ZDHHC5: variants seen among roughly 807,000 people sequenced by gnomAD.
The protein encoded by ZDHHC5 is palmitoyltransferase ZDHHC5.
In ZDHHC5, 22 loss-of-function variants were observed where a neutral mutation model predicts 70.0. The ratio of observed to expected loss-of-function variants is 0.31; its 90% confidence interval spans 0.22 to 0.45. ZDHHC5 has a LOEUF of 0.45. Ranked by LOEUF, ZDHHC5 falls within the 20% of genes least tolerant of loss-of-function variation. The pLI is 1.00. For missense variants in ZDHHC5, 746 were observed against 926.9 expected (o/e 0.80, Z 2.53); for synonymous variants, 313 against 347.8 (o/e 0.90, Z 1.11).
chr11:57,680,608 C>T (rs1468963268), intron 2 of ZDHHC5, among the ~76,000 whole-genome samples: 1 of 152,128 alleles, frequency 6.6e-6, no homozygotes, highest in African/African-American at 2.4e-5. Flanking sequence ...AATTATCTTC[C>T]CAGGCTGTAG....
chr11:57,693,975 CGGAA>C, intron 8 of ZDHHC5, 60 bp downstream of exon 8: 1 of 1,521,702 alleles, frequency 6.6e-7, no homozygotes, highest in South Asian at 1.3e-5. Context: ...GGCAAAGAGA[CGGAA>C]GCTTGCTTTA....
intron 1 of ZDHHC5, among the ~76,000 whole-genome samples, chr11:57,668,948 A>G (rs1042881895): frequency 1.3e-4 from 20 of 152,206 alleles, no homozygotes; most frequent in African/African-American, 4.8e-4. Flanking sequence ...AGGATCACAT[A>G]TACGTTATAC....
At position 57,690,085 on chromosome 11, in the gene ZDHHC5, C is replaced by T. The variant is rs775226876; in HGVS notation, c.439C>T (p.Arg147Cys). The change falls in exon 5 of 12, where the codon CGT becomes TGT. Residue 147 changes from arginine (R) to cysteine (C), a missense_variant. Physicochemically the swap from Arg to Cys is radical, Grantham distance 180 (BLOSUM62 -3). Around this residue, in one of 6 missense-constraint regions of ZDHHC5, gnomAD observed 18 missense variants for 66.8 expected, o/e 0.27. Transcript: ENST00000287169. ...TAACTGTATTGGTCGCCGGAACTACCGTTATTTTTTCCTTTTCCTCCTTTC... is the reference window on the plus strand; with the variant it reads ...TAACTGTATTGGTCGCCGGAACTACTGTTATTTTTTCCTTTTCCTCCTTTC... ...VNNCIGRRNY[R>C]YFFLFLLSLT... 8.7e-6 allele frequency: 14 copies of T among 1,614,104 alleles called. No homozygotes were observed. The highest frequency in any genetic ancestry group is 1.3e-5 in the African/African-American group (1 of 75,036).
intron 2 of ZDHHC5, among the ~76,000 whole-genome samples, chr11:57,679,974 C>G (rs1248105905): frequency 6.6e-6 from 1 of 152,162 alleles, no homozygotes; most frequent in Non-Finnish European, 1.5e-5. Context: ...TACTGGAATT[C>G]CATTCCAGGA....
chr11:57,698,146 C>CACACACACACACAA (rs1187461606), intron 10 of ZDHHC5, among the ~76,000 whole-genome samples: 1 of 151,470 alleles, frequency 6.6e-6, no homozygotes, highest in South Asian at 2.1e-4. Context: ...CACACACACA[C>CACACACACACACAA]ACAAACAAAT....
At chr11:57,673,820 C>T (rs1431140201) in intron 2 of ZDHHC5, among the ~76,000 whole-genome samples, 1 of 152,220 alleles carries the variant, frequency 6.6e-6, no homozygotes, top group Admixed American at 6.5e-5. Context: ...GATCCATCCA[C>T]CTTGGCCTCC....
rs1946015543 is a variant in ZDHHC5, at chr11:57,672,246, C to T, written c.-845C>T. On this transcript the variant is annotated 5_prime_UTR_variant, in exon 2 of 12. Coordinates refer to ENST00000287169, the MANE Select transcript of ZDHHC5 (RefSeq NM_015457.3). The stretch of plus-strand genomic sequence containing the variant: ...AAGTTTCCCTTTAGTTTTACATGAA[C>T]TTTGTAGGAAACAGAGCCCTTAAAG... 1 of 398,438 alleles carries T rather than the reference C, an allele frequency of 2.5e-6. No individual in the cohort carries two copies. The highest frequency in any genetic ancestry group is 1.3e-4 in the South Asian group (1 of 7,844). 24.7% of individuals were successfully genotyped at this position (398,438 alleles called of 1,614,324 possible).
intron 1 of ZDHHC5, among the ~76,000 whole-genome samples, chr11:57,670,862 C>T (rs1175546614): frequency 6.7e-6 from 1 of 149,596 alleles, no homozygotes; most frequent in Non-Finnish European, 1.5e-5. Flanking sequence ...TGCTCTGTTG[C>T]CCAGGCTGTA....
intron 10 of ZDHHC5, among the ~76,000 whole-genome samples, chr11:57,697,593 A>G (rs1229025626): frequency 1.3e-5 from 2 of 148,228 alleles, no homozygotes; most frequent in African/African-American, 5.0e-5. Context: ...CAGTGAGTCG[A>G]GATTGCGCCA....
Position 57,700,597 on chromosome 11 carries a change from C to G in ZDHHC5, c.*566C>G, listed in dbSNP as rs1946430507. On this transcript the variant is annotated 3_prime_UTR_variant, in exon 12 of 12. Transcript: ENST00000287169. ...CCCTCTCATTTGTCCCAGTTACTAA[C>G]TACGGAAATAGCATCCTCTGCTGGT... 1.3e-5 allele frequency: 2 copies of G among 152,494 alleles called. No individual in the cohort carries two copies. The highest frequency in any genetic ancestry group is 4.8e-5 in the African/African-American group (2 of 41,396). 9.4% of individuals were successfully genotyped at this position (152,494 alleles called of 1,614,324 possible). A position where few individuals can be genotyped will look rare whatever the true frequency, so the allele number is the denominator to read the frequency against.
intron 2 of ZDHHC5, chr11:57,681,579 T>A (rs1340961369): frequency 6.6e-6 from 1 of 152,222 alleles, no homozygotes; most frequent in Non-Finnish European, 1.5e-5. Context: ...TCTTGAAGCA[T>A]TCCTACGTAG....
chr11:57,693,702 C>T, intron 7 of ZDHHC5, 81 bp from the exon 8 acceptor site: 3 of 1,440,302 alleles, frequency 2.1e-6, no homozygotes, highest in South Asian at 1.5e-5. Flanking sequence ...AAATGGTTTA[C>T]AGAAACAGTA....
intron 3 of ZDHHC5, among the ~76,000 whole-genome samples, chr11:57,684,814 A>T (rs1946190264): frequency 6.6e-6 from 1 of 152,228 alleles, no homozygotes; most frequent in African/African-American, 2.4e-5. Flanking sequence ...TGAGACAAGT[A>T]GTTTCGGGCT....
In ZDHHC5 at chr11:57,700,214, T is replaced by A. The variant is rs1946423575; in HGVS notation, c.*183T>A. The A allele has an allele frequency of 1.5e-6, 1 of 687,174 alleles. No individual in the cohort carries two copies. The highest frequency in any genetic ancestry group is 3.1e-5 in the South Asian group (1 of 32,364). 42.6% of individuals were successfully genotyped at this position (687,174 alleles called of 1,614,324 possible). Reference sequence around the variant, plus strand: ...TTGGGGAGTCGGAGAGTTGGGGCCCTGAGACTGGGGTAGCAACCCCCCCTT... The same window carrying A: ...TTGGGGAGTCGGAGAGTTGGGGCCCAGAGACTGGGGTAGCAACCCCCCCTT... On this transcript the variant is annotated 3_prime_UTR_variant, in exon 12 of 12. Coordinates refer to ENST00000287169, the MANE Select transcript of ZDHHC5 (RefSeq NM_015457.3).
At chr11:57,694,042 C>T in intron 8 of ZDHHC5, 127 bp downstream of exon 8, 9 of 1,302,496 alleles carry the variant, frequency 6.9e-6, no homozygotes, top group South Asian at 1.6e-5. Context: ...GCTCTGTTGC[C>T]CAGGCTGGAG....
In ZDHHC5 at chr11:57,673,080, A is replaced by AG; in HGVS notation, c.-10dup. On this transcript the variant is annotated 5_prime_UTR_variant, in exon 2 of 12. Transcript: ENST00000287169. ...TATGCGGCAGGGCAGATTTCCCATC[A>AG]GAGCTCCAACATGCCCGCAGAGTCT... is the stretch of plus-strand genomic sequence containing the variant. 1 of 1,613,674 alleles carries AG rather than the reference A, an allele frequency of 6.2e-7. No homozygotes were observed.
In ZDHHC5 at chr11:57,672,117, G is replaced by T; in HGVS notation, c.-974G>T. On this transcript the variant is annotated 5_prime_UTR_variant, in exon 2 of 12. Coordinates refer to ENST00000287169, the MANE Select transcript of ZDHHC5 (RefSeq NM_015457.3). ...CTAGTCTGGAAACAGGGACATCTTT[G>T]GAACTTCGTTTTCATCCACAGTAAA... 1 of 396,530 alleles carries T rather than the reference G, an allele frequency of 2.5e-6. No individual in the cohort carries two copies. The highest frequency in any genetic ancestry group is 4.4e-6 in the Non-Finnish European group (1 of 225,166). The allele number at this position is 396,530 out of a possible 1,614,324, so 24.6% of individuals were successfully genotyped here.
At position 57,672,288 on chromosome 11, in the gene ZDHHC5, GAA is replaced by G; in HGVS notation, c.-802_-801del. ...CCCTTAAAGGGCTTGGGAATAACAA[GAA>G]GAGATTGAAGACAGAGAAGCTTGCC... On this transcript the variant is annotated 5_prime_UTR_variant, in exon 2 of 12. The change abolishes the stop of an existing upstream ORF in the 5' untranslated region. Coordinates refer to ENST00000287169, the MANE Select transcript of ZDHHC5 (RefSeq NM_015457.3). 1 of 398,472 alleles carries G rather than the reference GAA, an allele frequency of 2.5e-6. No individual in the cohort carries two copies. Among genetic ancestry groups the G allele is most frequent in the Non-Finnish European group, 4.4e-6 (1 of 226,048 alleles). 24.7% of individuals were successfully genotyped at this position (398,472 alleles called of 1,614,324 possible).
At chr11:57,689,943 C>A in intron 4 of ZDHHC5, 88 bp from the exon 5 acceptor site, 1 of 1,457,346 alleles carries the variant, frequency 6.9e-7, no homozygotes, top group Non-Finnish European at 9.4e-7. Context: ...ATGATCAAAA[C>A]TTAGCTGCCA....
Sources: gnomAD v4.1 joint callset for allele counts (sites outside exome capture counted in the v4.1 genomes callset) on GRCh38, gnomAD v4.1.1 for gene constraint, gnomAD v4.1.1 regional missense constraint, MANE v1.5 for transcripts, NCBI Gene and HGNC (gene_info 2026-07-23, HGNC 2026-07-21) for gene names.